Variants in RHCE observed in about 807,000 individuals in gnomAD.
RHCE encodes the protein blood group Rh(CE) polypeptide.
Under a neutral mutation model 43.8 loss-of-function variants are expected in RHCE, and 22 were observed. That is an observed-to-expected ratio of 0.50 (90% CI 0.36 to 0.72). The LOEUF (loss-of-function observed/expected upper bound fraction) is 0.72. Among genes scored for constraint, RHCE ranks in the 30% least tolerant of loss-of-function variants. RHCE has a pLI of 0.00. For missense variants in RHCE, 385 were observed against 525.4 expected (o/e 0.73, Z 2.61); for synonymous variants, 156 against 210.7 (o/e 0.74, Z 2.25).
chr1:25,418,676 C>A (rs550734111), intron 1 of RHCE, among the ~76,000 whole-genome samples: 1 of 152,336 alleles, frequency 6.6e-6, no homozygotes, highest in Non-Finnish European at 1.5e-5. Context: ...TGTGTGCACA[C>A]GCAATGGCAC....
chr1:25,386,087 T>C (rs764425403), intron 6 of RHCE, among the ~76,000 whole-genome samples: 2 of 152,178 alleles, frequency 1.3e-5, no homozygotes, highest in Non-Finnish European at 2.9e-5. Context: ...TCCCAGGTGA[T>C]GCCAATGCTG....
chr1:25,399,833 C>T (rs678017), intron 3 of RHCE, among the ~76,000 whole-genome samples: 1 of 152,224 alleles, frequency 6.6e-6, no homozygotes, highest in Non-Finnish European at 1.5e-5. Flanking sequence ...CAAAATATTA[C>T]CCATTGTAAA....
chr1:25,419,569 G>A (rs1323006122), intron 1 of RHCE, among the ~76,000 whole-genome samples: 1 of 152,092 alleles, frequency 6.6e-6, no homozygotes, highest in Non-Finnish European at 1.5e-5. Context: ...TCTTCAAGGA[G>A]GCCCTGTCCA....
chr1:25,402,488 G>A, intron 3 of RHCE, 108 bp downstream of exon 3: 1 of 1,546,432 alleles, frequency 6.5e-7, no homozygotes, highest in Non-Finnish European at 8.9e-7. Flanking sequence ...AACCTCCCAA[G>A]TAGCTGGGAT....
Position 25,383,947 on chromosome 1 carries a change from C to T in RHCE, c.1073+1764G>A, listed in dbSNP as rs114925275. On this transcript the variant is annotated intron_variant, in intron 7 of 9. Transcript: ENST00000294413. ...GAAAGCCAGTTGTTAAGTTAATCCT[C>T]TACCAGCAAACCACTGATTGGCTTT... Among the ~76,000 whole-genome samples, 145 of 152,302 alleles carry T rather than the reference C, an allele frequency of 9.5e-4. 2 individuals carry two copies. Among genetic ancestry groups the T allele is most frequent in the African/African-American group, 3.3e-3 (138 of 41,540 alleles).
chr1:25,398,916 T>C, intron 3 of RHCE: 1 of 998,312 alleles, frequency 1.0e-6, no homozygotes, highest in Non-Finnish European at 1.6e-6. Flanking sequence ...ATCTCTCCAC[T>C]GGACTAGCGA....
intron 1 of RHCE, among the ~76,000 whole-genome samples, chr1:25,417,939 C>G (rs1276188919): frequency 2.6e-5 from 4 of 152,320 alleles, no homozygotes; most frequent in South Asian, 2.1e-4. Flanking sequence ...TTGTCGCGCT[C>G]CTGTTTACTA....
chr1:25,386,842 A>AACAC lies in RHCE; in HGVS notation c.940-1002_940-999dup, dbSNP rs3079633. Among the ~76,000 whole-genome samples the AACAC allele has an allele frequency of 8.2e-3, 1,143 of 138,870 alleles. 7 individuals are homozygous for AACAC. Among genetic ancestry groups the AACAC allele is most frequent in the African/African-American group, 0.013 (455 of 36,358 alleles). The allele number at this position is 138,870 out of a possible 152,430, so 91.1% of individuals were successfully genotyped here. A position where few individuals can be genotyped will look rare whatever the true frequency, so the allele number is the denominator to read the frequency against. ...GTCTCAACAACAACAACAACAACAA[A>AACAC]ACACACACACACACACACACACACA... is the stretch of plus-strand genomic sequence containing the variant. On this transcript the variant is annotated intron_variant, in intron 6 of 9. Transcript: ENST00000294413.
At chr1:25,370,357 C>G (rs1285631032) in intron 9 of RHCE, 110 bp downstream of exon 9, 1 of 868,404 alleles carries the variant, frequency 1.2e-6, no homozygotes, top group East Asian at 2.5e-5. Context: ...GCTCCTTACT[C>G]CATTTTTGTT....
At chr1:25,387,568 C>T (rs1467976297) in intron 6 of RHCE, among the ~76,000 whole-genome samples, 3 of 152,190 alleles carry the variant, frequency 2.0e-5, no homozygotes, top group Admixed American at 1.3e-4. Flanking sequence ...CTGATGGTAA[C>T]TTGCTATGTG....
At chr1:25,373,959 T>C (rs925584607) in intron 8 of RHCE, among the ~76,000 whole-genome samples, 18 of 151,212 alleles carry the variant, frequency 1.2e-4, no homozygotes, top group Non-Finnish European at 2.1e-4. Context: ...TAGCTGGGAC[T>C]ACAGGCACAC....
At chr1:25,380,721 G>A (rs1441562977) in intron 7 of RHCE, among the ~76,000 whole-genome samples, 2 of 152,080 alleles carry the variant, frequency 1.3e-5, no homozygotes, top group Non-Finnish European at 2.9e-5. Context: ...GGGGAGCAGA[G>A]ACCCAAGGCA....
chr1:25,426,799 G>A (rs2042808012), intron 2 of RHCE, among the ~76,000 whole-genome samples: 1 of 152,254 alleles, frequency 6.6e-6, no homozygotes, highest in African/African-American at 2.4e-5. Flanking sequence ...TCTCACGCCT[G>A]TAACCCCAGC....
At position 25,401,139 on chromosome 1, in the gene RHCE, A is replaced by C. The variant is rs114933772; in HGVS notation, c.486+1457T>G. 5.6e-3 allele frequency among the ~76,000 whole-genome samples: 847 copies of C among 152,300 alleles called. 12 individuals carry two copies. The highest frequency in any genetic ancestry group is 0.019 in the African/African-American group (797 of 41,550). On this transcript the variant is annotated intron_variant, in intron 3 of 9. Coordinates refer to ENST00000294413, the MANE Select transcript of RHCE (RefSeq NM_020485.8). ...TCCCTGTATTTCTCAGAGTAAATCC[A>C]AAGTCCTTTGGGATACTGAGGCACA...
chr1:25,409,213 T>C lies in RHCE; in HGVS notation c.149-344A>G, dbSNP rs1647001071. On this transcript the variant is annotated intron_variant, in intron 1 of 9. Transcript: ENST00000294413. Reference sequence around the variant, plus strand: ...GTAAAGTACACGTGCTTGATGCACATGGACACTCAGTAAAGGTCATTGCTG... The same window carrying C: ...GTAAAGTACACGTGCTTGATGCACACGGACACTCAGTAAAGGTCATTGCTG... Among the ~76,000 whole-genome samples, 4 of 123,776 alleles carry C rather than the reference T, an allele frequency of 3.2e-5. 1 individual carries two copies. The Admixed American group carries it at 3.5e-4, about 11-fold the overall frequency. The allele number at this position is 123,776 out of a possible 152,430, so 81.2% of individuals were successfully genotyped here. A position where few individuals can be genotyped will look rare whatever the true frequency, so the allele number is the denominator to read the frequency against.
chr1:25,379,027 A>G (rs1479730406), intron 7 of RHCE, among the ~76,000 whole-genome samples: 4 of 152,310 alleles, frequency 2.6e-5, no homozygotes, highest in African/African-American at 9.6e-5. Context: ...ATATTATCTC[A>G]GTTCACTTTC....
intron 6 of RHCE, among the ~76,000 whole-genome samples, chr1:25,387,581 C>T (rs1173677953): frequency 1.3e-5 from 2 of 152,200 alleles, no homozygotes; most frequent in Non-Finnish European, 2.9e-5. Context: ...GCTATGTGTT[C>T]TTTTTTCTGC....
chr1:25,399,940 G>A (rs1436157364), intron 3 of RHCE, among the ~76,000 whole-genome samples: 3 of 152,082 alleles, frequency 2.0e-5, no homozygotes, highest in South Asian at 2.1e-4. Context: ...CGCACAATGG[G>A]AATCTCTAAT....
At chr1:25,430,041 A>G (rs1266634881) in exon 1 of RHCE, 2 of 151,848 alleles carry the variant, frequency 1.3e-5, no homozygotes, top group African/African-American at 4.8e-5. Flanking sequence ...CCCGCCGAGC[A>G]GGCTCCCGGT....
Sources: allele counts gnomAD v4.1 joint callset (sites outside exome capture counted in the v4.1 genomes callset), GRCh38; gene constraint gnomAD v4.1.1; transcripts MANE v1.5; gene names NCBI Gene and HGNC (gene_info 2026-07-23, HGNC 2026-07-21).